CIZ1: variants seen among roughly 807,000 people sequenced by gnomAD.
CIZ1 encodes CDKN1A interacting zinc finger protein 1.
Under a neutral mutation model 118.6 loss-of-function variants are expected in CIZ1, and 58 were observed. The observed-to-expected ratio is 0.49, with a 90% confidence interval of 0.40 to 0.61. CIZ1 has a LOEUF of 0.61. Ranked by LOEUF, CIZ1 falls within the 20% of genes least tolerant of loss-of-function variation. The pLI is 0.00. For missense variants in CIZ1, 921 were observed against 1,115.9 expected, an observed-to-expected ratio of 0.83 and a Z score of 2.49; for synonymous variants, 448 against 443.4, an observed-to-expected ratio of 1.01 and a Z score of -0.13.
Position 128,177,690 on chromosome 9 carries a change from G to A in CIZ1, c.1694C>T (p.Pro565Leu), listed in dbSNP as rs1007242636. The A allele has an allele frequency of 6.8e-6, 11 of 1,606,408 alleles. No homozygotes were observed. The highest frequency in any genetic ancestry group is 6.7e-5 in the African/African-American group (5 of 74,754). ...SSDSRAFSTVPLTPVPRPSDS... is the reference protein window; with the variant it reads ...SSDSRAFSTVLLTPVPRPSDS... ...ACTGGGGCGGGGGACAGGTGTCAGG[G>A]GTACAGTGCTAAAGGCCCGGCTGTC... The change falls in exon 10 of 17, where the codon CCC (proline) becomes CTC (leucine). Residue 565 changes from proline (P) to leucine (L), a missense_variant. Physicochemically the swap from Pro to Leu is moderately conservative, Grantham distance 98. Transcript: ENST00000372938.
upstream of CIZ1, chr9:128,191,724 G>T: frequency 7.4e-7 from 1 of 1,358,612 alleles, no homozygotes. This position sits in a 1 kb window ranked among gnomAD's most constrained non-coding sequence, Gnocchi z 5.5. Context: ...GTCCTGGGCG[G>T]CTCATACCCT....
chr9:128,176,315 C>T, intron 11 of CIZ1, 36 bp downstream of exon 11: 3 of 1,605,100 alleles, frequency 1.9e-6, no homozygotes, highest in Non-Finnish European at 2.6e-6. Context: ...AGACTGCCTA[C>T]CCCCCAACAC....
intron 5 of CIZ1, among the ~76,000 whole-genome samples, chr9:128,181,059 C>A (rs1831538108): frequency 6.6e-6 from 1 of 152,156 alleles, no homozygotes; most frequent in Non-Finnish European, 1.5e-5. Flanking sequence ...CTTCTCCTGG[C>A]CACAGTGCTA....
Position 128,178,452 on chromosome 9 carries a change from C to G in CIZ1, c.1537G>C (p.Val513Leu). ...TCATTCTGAATCTCTTCCATGCTGA[C>G]TTGGGTGCCCACAGGCTCTGGCAAG... ...KTLPEPVGTQ[V>L]SMEEIQNESA... The change falls in exon 9 of 17, where the codon GTC (valine) becomes CTC (leucine). Residue 513 changes from valine (V) to leucine (L), a missense_variant. Coordinates refer to ENST00000372938, the MANE Select transcript of CIZ1 (RefSeq NM_001131016.2). The G allele has an allele frequency of 6.2e-7, 1 of 1,614,182 alleles. No individual in the cohort carries two copies. The highest frequency in any genetic ancestry group is 8.5e-7 in the Non-Finnish European group (1 of 1,180,030).
chr9:128,182,790 T>C (rs567705097), intron 5 of CIZ1, among the ~76,000 whole-genome samples: 3 of 150,510 alleles, frequency 2.0e-5, no homozygotes, highest in African/African-American at 7.3e-5. Context: ...TCTGTATTCT[T>C]TTTTTTTTTC....
In CIZ1 at chr9:128,176,344, C is replaced by G. The variant is rs1435922755; in HGVS notation, c.1943+7G>C. ...CCAACACAGAGCTTCCACGATCCCC[C>G]ACTCACTCATCCTCTGTCTCCAGGA... On this transcript the variant is annotated splice_region_variant and intron_variant, in intron 11 of 16. Coordinates refer to ENST00000372938, the MANE Select transcript of CIZ1 (RefSeq NM_001131016.2). 1 of 1,613,568 alleles carries G rather than the reference C, an allele frequency of 6.2e-7. No homozygotes were observed. The highest frequency in any genetic ancestry group is 1.7e-5 in the Admixed American group (1 of 59,972).
chr9:128,201,724 GCCTGGGCTGTGC>G (rs1833526986), intron 1 of CIZ1, among the ~76,000 whole-genome samples: 1 of 152,212 alleles, frequency 6.6e-6, no homozygotes, highest in Non-Finnish European at 1.5e-5. Context: ...TGAGCACTAG[GCCTGGGCTGTGC>G]CCTACACAGG....
At chr9:128,175,236 C>T (rs149803144) in intron 11 of CIZ1, among the ~76,000 whole-genome samples, 71 of 152,288 alleles carry the variant, frequency 4.7e-4, no homozygotes, top group African/African-American at 1.7e-3. Context: ...CATTGTTCCA[C>T]GAGCTGGACG....
Position 128,180,337 on chromosome 9 carries a change from T to G in CIZ1, c.791+78A>C, listed in dbSNP as rs945250168. 2.1e-4 allele frequency: 222 copies of G among 1,050,400 alleles called. 1 individual carries two copies. The highest frequency in any genetic ancestry group is 3.2e-4 in the Non-Finnish European group (216 of 675,312). The allele number at this position is 1,050,400 out of a possible 1,614,324, so 65.1% of individuals were successfully genotyped here. A position where few individuals can be genotyped will look rare whatever the true frequency, so the allele number is the denominator to read the frequency against. On this transcript the variant is annotated intron_variant, in intron 7 of 16. Transcript: ENST00000372938. ...GCTCCACTGAATGGTGCACCCCCTC[T>G]GCCATTGCCACCCCTGCCTTTGCAG...
intron 3 of CIZ1, 139 bp from the exon 4 acceptor site, chr9:128,188,073 C>CAAAAAAA (rs1484203773): frequency 8.3e-6 from 1 of 120,296 alleles, no homozygotes; most frequent in African/African-American, 6.7e-5. Flanking sequence ...AAACCCAAAA[C>CAAAAAAA]AAAACAAAAC....
chr9:128,168,503 G>A (rs541066126), intron 14 of CIZ1, among the ~76,000 whole-genome samples: 2 of 145,956 alleles, frequency 1.4e-5, no homozygotes, highest in Admixed American at 6.9e-5. Context: ...GCGACAGAGC[G>A]AGACTCCGTC....
rs540781186 is a variant in CIZ1, at chr9:128,187,248, T to G, written c.358+615A>C. ...GAGCCACCACATCCAGCTCCTTATCTGCTTTCTGCTTCACATCATCTAACT... is the reference window on the plus strand; with the variant it reads ...GAGCCACCACATCCAGCTCCTTATCGGCTTTCTGCTTCACATCATCTAACT... On this transcript the variant is annotated intron_variant, in intron 4 of 16. Transcript: ENST00000372938. Among the ~76,000 whole-genome samples, 147 of 152,330 alleles carry G rather than the reference T, an allele frequency of 9.7e-4. 1 individual carries two copies. The highest frequency in any genetic ancestry group is 3.2e-3 in the African/African-American group (134 of 41,576).
intron 3 of CIZ1, 147 bp downstream of exon 3, chr9:128,190,182 C>T (rs1832950103): frequency 1.6e-6 from 1 of 631,244 alleles, no homozygotes; most frequent in Non-Finnish European, 2.8e-6. Context: ...CTTTCACCTC[C>T]TGGAGCCTTA....
chr9:128,176,304 G>C (rs760501967), intron 11 of CIZ1, 47 bp downstream of exon 11: 2 of 1,601,488 alleles, frequency 1.2e-6, no homozygotes, highest in South Asian at 2.2e-5. Flanking sequence ...CCTGGCCGAT[G>C]AGACTGCCTA....
At chr9:128,196,252 GA>G (rs1313523632), upstream of CIZ1, among the ~76,000 whole-genome samples, 5 of 152,124 alleles carry the variant, frequency 3.3e-5, no homozygotes, top group African/African-American at 1.2e-4. Context: ...TTCAGTTTAA[GA>G]AGGAGGTAAA....
At chr9:128,181,456 T>C (rs972558588) in intron 5 of CIZ1, among the ~76,000 whole-genome samples, 2 of 152,248 alleles carry the variant, frequency 1.3e-5, no homozygotes, top group African/African-American at 4.8e-5. Context: ...TGATTATATA[T>C]GAGTATCATT....
In CIZ1 at chr9:128,166,397, C is replaced by T; in HGVS notation, c.2497G>A (p.Ala833Thr). 6.5e-7 allele frequency: 1 copy of T among 1,534,988 alleles called. No homozygotes were observed. ...GHFENLQKYK[A>T]AKNPSPTTRP... ...GTGGTGGGGCTGGGGTTCTTGGCCG[C>T]CTTGTATTTCTGGATACAGAAGGTG... Residue 833 changes from alanine to threonine, a missense_variant, in exon 17 of 17, where the codon GCG becomes ACG. Coordinates refer to ENST00000372938, the MANE Select transcript of CIZ1 (RefSeq NM_001131016.2). The surrounding 1 kb of genome is among the most constrained non-coding windows in gnomAD (Gnocchi z 4.4).
intron 9 of CIZ1, 118 bp downstream of exon 9, chr9:128,178,251 C>T (rs1831119474): frequency 1.6e-6 from 2 of 1,260,136 alleles, no homozygotes; most frequent in African/African-American, 1.5e-5. Flanking sequence ...GGGCTGTCAT[C>T]CCATTTCACG....
At chr9:128,182,246 C>G (rs1275582646) in intron 5 of CIZ1, among the ~76,000 whole-genome samples, 2 of 152,144 alleles carry the variant, frequency 1.3e-5, no homozygotes, top group African/African-American at 4.8e-5. Context: ...AGTGGTCCCC[C>G]GGGCCCAGCT....
Sources: allele counts gnomAD v4.1 joint callset (sites outside exome capture counted in the v4.1 genomes callset), GRCh38; gene constraint gnomAD v4.1.1; non-coding constraint Gnocchi (gnomAD v3.1); transcripts MANE v1.5; gene names NCBI Gene and HGNC (gene_info 2026-07-23, HGNC 2026-07-21).